Variants in PCDHGA1 observed in about 807,000 individuals in gnomAD.
PCDHGA1 encodes the protein protocadherin gamma-A1.
In PCDHGA1, 32 loss-of-function variants were observed where a neutral mutation model predicts 58.0. That is an observed-to-expected ratio of 0.55 (90% CI 0.42 to 0.74). The LOEUF is 0.74. PCDHGA1 is among the 30% of genes least tolerant of loss of function. PCDHGA1 has a pLI of 0.00. For synonymous variants in PCDHGA1, 498 were observed against 501.1 expected (o/e 0.99, Z 0.08); for missense variants, 1,205 against 1,182.3 (o/e 1.02, Z -0.28).
At chr5:141,364,748 G>T (rs891416528) in intron 1 of PCDHGA1, 3 of 1,613,978 alleles carry the variant, frequency 1.9e-6, no homozygotes, top group Non-Finnish European at 8.5e-7. Flanking sequence ...AGAGTTAAAA[G>T]TAAAAGTTAA....
chr5:141,471,717 C>T (rs1196344901), intron 1 of PCDHGA1, among the ~76,000 whole-genome samples: 1 of 152,022 alleles, frequency 6.6e-6, no homozygotes, highest in Non-Finnish European at 1.5e-5. Flanking sequence ...GTGCCACTTA[C>T]CAGGTAAGGA....
At position 141,405,406 on chromosome 5, in the gene PCDHGA1, T is replaced by C. The variant is rs750140674; in HGVS notation, c.2421+72301T>C. On this transcript the variant is annotated intron_variant, in intron 1 of 3. Coordinates refer to ENST00000517417, the MANE Select transcript of PCDHGA1 (RefSeq NM_018912.3). ...GTTCATTTTTTTTCTTTCTTTCTTTTCTTTTTTTGTTTTTTGTTTTGTTTT... is the reference window on the plus strand; with the variant it reads ...GTTCATTTTTTTTCTTTCTTTCTTTCCTTTTTTTGTTTTTTGTTTTGTTTT... 1.2e-5 allele frequency: 19 copies of C among 1,584,070 alleles called. No individual in the cohort carries two copies. The Admixed American group carries it at 1.2e-4, about 10-fold the overall frequency.
At chr5:141,453,287 A>ATTT (rs2098760771) in intron 1 of PCDHGA1, among the ~76,000 whole-genome samples, 3 of 151,368 alleles carry the variant, frequency 2.0e-5, no homozygotes, top group African/African-American at 7.3e-5. Flanking sequence ...CTAATTTTTT[A>ATTT]ATTATTTATT....
intron 1 of PCDHGA1, chr5:141,398,307 G>A (rs1447377921): frequency 1.5e-6 from 2 of 1,359,764 alleles, no homozygotes; most frequent in South Asian, 1.3e-5. Flanking sequence ...GCGTCCAGGA[G>A]TTACCGACTC....
intron 1 of PCDHGA1, chr5:141,376,418 C>G (rs1354597104): frequency 6.2e-7 from 1 of 1,614,230 alleles, no homozygotes; most frequent in Admixed American, 1.7e-5. Context: ...TGCCGACACG[C>G]TTATCAACCA....
At chr5:141,345,383 C>T (rs763946038) in intron 1 of PCDHGA1, 3 of 1,614,114 alleles carry the variant, frequency 1.9e-6, no homozygotes, top group South Asian at 1.1e-5. Flanking sequence ...ACAACCCACC[C>T]ACCTTCCCTC....
chr5:141,447,018 G>GT (rs1329161304), intron 1 of PCDHGA1, among the ~76,000 whole-genome samples: 6 of 142,194 alleles, frequency 4.2e-5, no homozygotes, highest in African/African-American at 1.6e-4. Context: ...GTTCAGTTTT[G>GT]TTTTGTTTTT....
chr5:141,464,079 A>G (rs996899520), intron 1 of PCDHGA1, among the ~76,000 whole-genome samples: 3 of 152,124 alleles, frequency 2.0e-5, no homozygotes, highest in Non-Finnish European at 4.4e-5. Flanking sequence ...AGCCTGGCCA[A>G]CATGGTGAAA....
intron 1 of PCDHGA1, among the ~76,000 whole-genome samples, chr5:141,447,104 A>G (rs1212797996): frequency 2.0e-5 from 3 of 151,958 alleles, no homozygotes; most frequent in African/African-American, 7.3e-5. Flanking sequence ...TCACATGATT[A>G]TATGTGCTCC....
chr5:141,433,547 C>G (rs2097621028), intron 1 of PCDHGA1, among the ~76,000 whole-genome samples: 1 of 152,086 alleles, frequency 6.6e-6, no homozygotes, highest in South Asian at 2.1e-4. Context: ...ATCAGATATT[C>G]TTTTCTGGCT....
At chr5:141,370,462 C>G in intron 1 of PCDHGA1, 12 of 1,612,864 alleles carry the variant, frequency 7.4e-6, no homozygotes, top group Non-Finnish European at 8.5e-6. Context: ...TTCCTGCTCT[C>G]TTTGTTAGAC....
At chr5:141,361,476 T>C (rs1762040373) in intron 1 of PCDHGA1, 1 of 1,613,994 alleles carries the variant, frequency 6.2e-7, no homozygotes, top group Non-Finnish European at 8.5e-7. Context: ...ACGTCAACGA[T>C]AATGCCCCAG....
At chr5:141,495,392 G>A (rs2099760968) in intron 2 of PCDHGA1, among the ~76,000 whole-genome samples, 2 of 152,186 alleles carry the variant, frequency 1.3e-5, no homozygotes, top group Non-Finnish European at 2.9e-5. Context: ...GGCGGGGCAT[G>A]GAGCAGGCCC....
intron 1 of PCDHGA1, chr5:141,433,247 G>A (rs1393219042): frequency 2.8e-6 from 4 of 1,447,840 alleles, no homozygotes; most frequent in Non-Finnish European, 3.8e-6. Context: ...AAGCTGGAAT[G>A]CAGCGGTACG....
intron 1 of PCDHGA1, chr5:141,404,727 T>G (rs762980421): frequency 6.2e-7 from 1 of 1,613,912 alleles, no homozygotes; most frequent in Non-Finnish European, 8.5e-7. Flanking sequence ...ACCAAGGTGG[T>G]GGCAGTGGAC....
chr5:141,491,955 A>T lies in PCDHGA1; in HGVS notation c.2422-2852A>T. Reference sequence around the variant, plus strand: ...GGGACCGACCCCCACCCCTACACTCAAAAAAGGCCGGGGCCTCCTTCGAGC... The same window carrying T: ...GGGACCGACCCCCACCCCTACACTCTAAAAAGGCCGGGGCCTCCTTCGAGC... On this transcript the variant is annotated intron_variant, in intron 1 of 3. Coordinates refer to ENST00000517417, the MANE Select transcript of PCDHGA1 (RefSeq NM_018912.3). This position sits in a 1 kb window ranked among gnomAD's most constrained non-coding sequence, Gnocchi z 6.9. 9.7e-7 allele frequency: 1 copy of T among 1,029,648 alleles called. No homozygotes were observed. The highest frequency in any genetic ancestry group is 2.2e-5 in the South Asian group (1 of 44,530). The allele number at this position is 1,029,648 out of a possible 1,614,324, so 63.8% of individuals were successfully genotyped here. A position where few individuals can be genotyped will look rare whatever the true frequency, so the allele number is the denominator to read the frequency against.
rs1008664105 is a variant in PCDHGA1, at chr5:141,432,402, T to C, written c.2422-62405T>C. 6.2e-7 allele frequency: 1 copy of C among 1,614,194 alleles called. No homozygotes were observed. The highest frequency in any genetic ancestry group is 1.1e-5 in the South Asian group (1 of 91,082). On this transcript the variant is annotated intron_variant, in intron 1 of 3. Transcript: ENST00000517417. The surrounding 1 kb of genome is among the most constrained non-coding windows in gnomAD (Gnocchi z 6.0). ...CCGCCCCTCAGCAGCAACGTGTCGT[T>C]GAGCCTGTTCGTGCTGGACCAGAAC...
chr5:141,360,455 A>G (rs369787624), intron 1 of PCDHGA1: 1 of 1,613,980 alleles, frequency 6.2e-7, no homozygotes, highest in Non-Finnish European at 8.5e-7. Context: ...CTGGATTTCG[A>G]TACTGTCGCT....
Position 141,331,464 on chromosome 5 carries a change from G to A in PCDHGA1, c.780G>A (p.Gln260=). ...CCGAAAACGTGCCGCTGGGTACTCA[G>A]CTGCTCATGGTAAATGCCACTGACC... is the stretch of plus-strand genomic sequence containing the variant. ...NVPENVPLGT[Q]LLMVNATDPD... Residue 260 remains glutamine, a synonymous_variant, in exon 1 of 4, where the codon CAG becomes CAA. Coordinates refer to ENST00000517417, the MANE Select transcript of PCDHGA1 (RefSeq NM_018912.3). 6.2e-7 allele frequency: 1 copy of A among 1,614,200 alleles called. No homozygotes were observed. Among genetic ancestry groups the A allele is most frequent in the South Asian group, 1.1e-5 (1 of 91,080 alleles).
Sources: gnomAD v4.1 joint callset for allele counts (sites outside exome capture counted in the v4.1 genomes callset) on GRCh38, gnomAD v4.1.1 for gene constraint, Gnocchi (gnomAD v3.1) non-coding constraint, MANE v1.5 for transcripts, NCBI Gene and HGNC (gene_info 2026-07-23, HGNC 2026-07-21) for gene names.